The following HIVEP2 variants were observed in gnomAD, a reference collection of about 807,000 sequenced individuals.
The protein encoded by HIVEP2 is HIVEP zinc finger 2.
In HIVEP2, 14 loss-of-function variants were observed where a neutral mutation model predicts 180.7. The observed-to-expected ratio is 0.08, with a 90% confidence interval of 0.05 to 0.12. The LOEUF is 0.12. HIVEP2 is among the 10% of genes least tolerant of loss of function. The pLI is 1.00. For missense variants in HIVEP2, 2,579 were observed against 3,008.5 expected (o/e 0.86, Z 3.34); for synonymous variants, 1,184 against 1,136.4 (o/e 1.04, Z -0.84).
chr6:142,806,065 AT>A (rs1274466021), intron 2 of HIVEP2, among the ~76,000 whole-genome samples: 15 of 152,148 alleles, frequency 9.9e-5, no homozygotes, highest in Admixed American at 9.8e-4. Flanking sequence ...ATTTTAAAAA[AT>A]TTCATCATCA....
chr6:142,825,419 A>G (rs1039255161), intron 2 of HIVEP2, among the ~76,000 whole-genome samples: 1 of 152,160 alleles, frequency 6.6e-6, no homozygotes, highest in Non-Finnish European at 1.5e-5. Flanking sequence ...CAAGAACCTC[A>G]GTTTCCTGAT....
chr6:142,763,110 C>A (rs1423892062), intron 7 of HIVEP2, among the ~76,000 whole-genome samples: 3 of 152,198 alleles, frequency 2.0e-5, no homozygotes, highest in African/African-American at 7.2e-5. Context: ...ACATTTTTCT[C>A]TCCATTCCAA....
chr6:142,820,629 C>T (rs149698911), intron 2 of HIVEP2, among the ~76,000 whole-genome samples: 15 of 152,210 alleles, frequency 9.9e-5, no homozygotes, highest in African/African-American at 2.6e-4. Context: ...AATTCACTTC[C>T]GAAATGTGAA....
At chr6:142,857,813 T>A (rs1429549434) in intron 1 of HIVEP2, among the ~76,000 whole-genome samples, 1 of 152,210 alleles carries the variant, frequency 6.6e-6, no homozygotes, top group Non-Finnish European at 1.5e-5. Context: ...ACACGGGGAC[T>A]CCCCTTTGTT....
Position 142,775,078 on chromosome 6 carries a change from A to G in HIVEP2, c.-340T>C, listed in dbSNP as rs1775663601. The G allele has an allele frequency of 1.9e-6, 2 of 1,037,946 alleles. No homozygotes were observed. Among genetic ancestry groups the G allele is most frequent in the African/African-American group, 1.7e-5 (1 of 59,318 alleles). 64.3% of individuals were successfully genotyped at this position (1,037,946 alleles called of 1,614,324 possible). ...GAATAGTCTAGGAGAAATTTTGCCC[A>G]TCAACTAGAGCAAAGTTCAATTGCC... On this transcript the variant is annotated 5_prime_UTR_variant, in exon 5 of 10. The change abolishes an upstream ATG in the 5' untranslated region. Transcript: ENST00000367603.
intron 2 of HIVEP2, among the ~76,000 whole-genome samples, chr6:142,811,715 A>AC (rs34597836): frequency 1.7e-4 from 26 of 152,156 alleles, no homozygotes; most frequent in Non-Finnish European, 2.5e-4. Context: ...CACAGACCTC[A>AC]CCCCCCATGT....
chr6:142,934,405 T>A (rs768645436), intron 1 of HIVEP2, among the ~76,000 whole-genome samples: 96 of 152,312 alleles, frequency 6.3e-4, no homozygotes, highest in Middle Eastern at 6.8e-3. Context: ...GAGTTTCAAG[T>A]CATCCATTCT....
At chr6:142,882,043 C>T (rs549470533) in intron 1 of HIVEP2, among the ~76,000 whole-genome samples, 4 of 152,288 alleles carry the variant, frequency 2.6e-5, no homozygotes, top group East Asian at 1.9e-4. Context: ...AGAGTCATCA[C>T]GCTCTCTCCT....
chr6:142,862,808 T>A (rs1213687110), intron 1 of HIVEP2, among the ~76,000 whole-genome samples: 1 of 134,122 alleles, frequency 7.5e-6, no homozygotes, highest in African/African-American at 2.8e-5. Flanking sequence ...TATTTAGATA[T>A]CATATATATT....
intron 1 of HIVEP2, among the ~76,000 whole-genome samples, chr6:142,863,679 A>G (rs1389395601): frequency 6.6e-6 from 1 of 152,204 alleles, no homozygotes; most frequent in Non-Finnish European, 1.5e-5. Flanking sequence ...GTAAATGAAA[A>G]ATACCAAAAT....
intron 1 of HIVEP2, among the ~76,000 whole-genome samples, chr6:142,887,690 A>G (rs1020462960): frequency 6.6e-6 from 1 of 152,198 alleles, no homozygotes; most frequent in Non-Finnish European, 1.5e-5. Context: ...AGAAAATGAA[A>G]CTTCCTTACC....
intron 1 of HIVEP2, among the ~76,000 whole-genome samples, chr6:142,944,025 A>G (rs1953297): frequency 0.88 from 133,615 of 152,258 alleles, 58,922 homozygotes; most frequent in Middle Eastern, 0.95. Flanking sequence ...TGGTGTAGCT[A>G]GTTACAAGCT....
chr6:142,931,447 A>G (rs1350096161), intron 1 of HIVEP2, among the ~76,000 whole-genome samples: 1 of 152,110 alleles, frequency 6.6e-6, no homozygotes, highest in Non-Finnish European at 1.5e-5. Context: ...TCAGCCTAGT[A>G]TCAGTATGGC....
At chr6:142,842,742 GAA>G (rs1025725886) in intron 1 of HIVEP2, among the ~76,000 whole-genome samples, 1 of 143,424 alleles carries the variant, frequency 7.0e-6, no homozygotes. Context: ...CACTTTAAGT[GAA>G]AAAAAAAAAG....
intron 2 of HIVEP2, among the ~76,000 whole-genome samples, chr6:142,835,162 G>T (rs1276769784): frequency 6.6e-6 from 1 of 152,112 alleles, no homozygotes; most frequent in Non-Finnish European, 1.5e-5. Flanking sequence ...TACCTGCCAG[G>T]TATTTAATCC....
At chr6:142,822,240 T>C (rs1777061896) in intron 2 of HIVEP2, among the ~76,000 whole-genome samples, 1 of 152,218 alleles carries the variant, frequency 6.6e-6, no homozygotes, top group African/African-American at 2.4e-5. Context: ...ATGAAGCCTG[T>C]GGGCTCATTC....
chr6:142,775,365 C>T (rs567955714), intron 4 of HIVEP2, among the ~76,000 whole-genome samples: 64 of 152,000 alleles, frequency 4.2e-4, no homozygotes, highest in African/African-American at 1.4e-3. Context: ...CTTTTAAATA[C>T]TTTTTAACTT....
At chr6:142,777,058 G>T (rs940752380) in intron 3 of HIVEP2, among the ~76,000 whole-genome samples, 2 of 152,148 alleles carry the variant, frequency 1.3e-5, no homozygotes, top group African/African-American at 4.8e-5. Flanking sequence ...GAACTTCAAT[G>T]ATAAACTGTA....
chr6:142,773,891 T>C lies in HIVEP2; in HGVS notation c.848A>G (p.Glu283Gly), dbSNP rs999910953. The C allele has an allele frequency of 6.2e-7, 1 of 1,613,714 alleles. No homozygotes were observed. Among genetic ancestry groups the C allele is most frequent in the Non-Finnish European group, 8.5e-7 (1 of 1,180,034 alleles). ...SDGEQSTDTD[E>G]ESSLFAEASD... ...AGCCTCGGCAAATAAAGAACTCTCC[T>C]CATCTGTGTCTGTACTCTGTTCACC... Residue 283 changes from glutamate to glycine, a missense_variant, in exon 5 of 10, where the codon GAG becomes GGG. Physicochemically the swap from Glu to Gly is moderately conservative, Grantham distance 98. Transcript: ENST00000367603.
Sources: allele counts gnomAD v4.1 joint callset (sites outside exome capture counted in the v4.1 genomes callset), GRCh38; gene constraint gnomAD v4.1.1; transcripts MANE v1.5; gene names NCBI Gene and HGNC (gene_info 2026-07-23, HGNC 2026-07-21).